ARHGEF3: variants seen among roughly 807,000 people sequenced by gnomAD.
ARHGEF3 encodes the protein 59.8 kDA protein.
A neutral mutation model predicts 63.2 loss-of-function variants in ARHGEF3; 28 were observed. The ratio of observed to expected loss-of-function variants is 0.44; its 90% confidence interval spans 0.33 to 0.61. The LOEUF (loss-of-function observed/expected upper bound fraction) is 0.61, where lower values mean the gene tolerates loss of function less well. Among genes scored for constraint, ARHGEF3 ranks in the 20% least tolerant of loss-of-function variants. ARHGEF3 has a pLI of 0.03. For missense variants in ARHGEF3, 533 were observed against 659.3 expected (o/e 0.81, Z 2.10); for synonymous variants, 266 against 254.2 (o/e 1.05, Z -0.44).
At chr3:56,993,683 G>A (rs949940864) in intron 2 of ARHGEF3, among the ~76,000 whole-genome samples, 17 of 152,022 alleles carry the variant, frequency 1.1e-4, no homozygotes, top group African/African-American at 3.9e-4. Context: ...CCTAACTTTG[G>A]ATACATTGCT....
At chr3:56,993,630 C>A (rs1326438276) in intron 2 of ARHGEF3, among the ~76,000 whole-genome samples, 1 of 151,980 alleles carries the variant, frequency 6.6e-6, no homozygotes, top group Non-Finnish European at 1.5e-5. Flanking sequence ...CTGTCACAGC[C>A]TCCCAAAGTG....
chr3:57,068,958 A>G (rs147868655), intron 1 of ARHGEF3, among the ~76,000 whole-genome samples: 2 of 145,546 alleles, frequency 1.4e-5, no homozygotes, highest in Non-Finnish European at 3.0e-5. Context: ...GTCTCGCTGT[A>G]TCACCCAAGC....
intron 2 of ARHGEF3, among the ~76,000 whole-genome samples, chr3:56,992,437 C>T (rs993463185): frequency 7.0e-6 from 1 of 142,580 alleles, no homozygotes; most frequent in Admixed American, 7.2e-5. Context: ...CATGTGGCCT[C>T]CAGCATCTGT....
chr3:57,001,301 G>A (rs1702183551), intron 2 of ARHGEF3, among the ~76,000 whole-genome samples: 1 of 152,188 alleles, frequency 6.6e-6, no homozygotes, highest in African/African-American at 2.4e-5. Flanking sequence ...GATGCATGCA[G>A]GTGATAACTG....
chr3:56,728,539 T>C lies in ARHGEF3; in HGVS notation c.*731A>G, dbSNP rs969479682. 1 of 152,676 alleles carries C rather than the reference T, an allele frequency of 6.5e-6. No homozygotes were observed. The highest frequency in any genetic ancestry group is 1.5e-5 in the Non-Finnish European group (1 of 68,068). The allele number at this position is 152,676 out of a possible 1,614,324, so 9.5% of individuals were successfully genotyped here. A position where few individuals can be genotyped will look rare whatever the true frequency, so the allele number is the denominator to read the frequency against. ...GATGTTTTAGGCTAGCAACCAACTA[T>C]GAGAGACACCTCCTGGTGCCATGTG... On this transcript the variant is annotated 3_prime_UTR_variant, in exon 10 of 10. Transcript: ENST00000296315.
At chr3:57,067,753 G>A (rs891546382) in intron 1 of ARHGEF3, among the ~76,000 whole-genome samples, 8 of 150,970 alleles carry the variant, frequency 5.3e-5, no homozygotes, top group Non-Finnish European at 8.8e-5. Context: ...AGGCCGAGGC[G>A]GGCGGATCAT....
chr3:56,770,689 C>T (rs2035959645), intron 2 of ARHGEF3, among the ~76,000 whole-genome samples: 1 of 152,010 alleles, frequency 6.6e-6, no homozygotes, highest in Admixed American at 6.6e-5. Context: ...CATTCACTGT[C>T]CCCCCAAGGA....
intron 4 of ARHGEF3, among the ~76,000 whole-genome samples, chr3:56,845,412 A>T (rs2039455443): frequency 6.6e-6 from 1 of 152,230 alleles, no homozygotes; most frequent in African/African-American, 2.4e-5. Flanking sequence ...GAAATCATAT[A>T]CAGCCTGGTC....
intron 4 of ARHGEF3, among the ~76,000 whole-genome samples, chr3:56,876,791 A>ACCACCAGCTCCATCG (rs1441969413): frequency 3.3e-5 from 5 of 152,110 alleles, no homozygotes; most frequent in Non-Finnish European, 5.9e-5. Context: ...AAGATGCCCC[A>ACCACCAGCTCCATCG]CCACCAGCTC....
At chr3:56,954,346 T>C (rs994317479) in intron 3 of ARHGEF3, among the ~76,000 whole-genome samples, 15 of 152,032 alleles carry the variant, frequency 9.9e-5, no homozygotes, top group African/African-American at 3.6e-4. Flanking sequence ...CTGCAGCAAA[T>C]ATTTTCACAA....
Position 57,054,018 on chromosome 3 carries a change from T to C in ARHGEF3, c.-27-18842A>G, listed in dbSNP as rs149353832. ...TGCATTCACTTCTCTTGGGTATATA[T>C]CTAAAAGTGGAATTGCTGCAGCATA... On this transcript the variant is annotated intron_variant, in intron 1 of 12. Transcript: ENST00000338458. Among the ~76,000 whole-genome samples, 209 of 152,336 alleles carry C rather than the reference T, an allele frequency of 1.4e-3. 3 individuals are homozygous for C. Among genetic ancestry groups the C allele is most frequent in the Middle Eastern group, 6.8e-3 (2 of 294 alleles).
At chr3:56,769,157 G>A (rs895251842) in intron 2 of ARHGEF3, among the ~76,000 whole-genome samples, 2 of 152,176 alleles carry the variant, frequency 1.3e-5, no homozygotes, top group Non-Finnish European at 2.9e-5. Flanking sequence ...AGAGAATGAG[G>A]GGCTACATCA....
intron 4 of ARHGEF3, among the ~76,000 whole-genome samples, chr3:56,834,078 A>AT (rs1030031997): frequency 4.0e-5 from 6 of 151,608 alleles, no homozygotes; most frequent in Non-Finnish European, 2.9e-5. Context: ...TAATTTTTGT[A>AT]TTTTTTAGTA....
chr3:56,787,718 G>GATAATAATAATAATA (rs58762340), intron 1 of ARHGEF3, among the ~76,000 whole-genome samples: 10,456 of 150,684 alleles, frequency 0.069, 459 homozygotes, highest in East Asian at 0.15. Flanking sequence ...AACTTCCTCT[G>GATAATAATAATAATA]ATAATAATAA....
Position 56,732,431 on chromosome 3 carries a change from GA to G in ARHGEF3, c.1042-8del. 6.2e-7 allele frequency: 1 copy of G among 1,613,900 alleles called. No individual in the cohort carries two copies. The highest frequency in any genetic ancestry group is 1.1e-5 in the South Asian group (1 of 91,056). Reference sequence around the variant, plus strand: ...ACAGGAAAACATGCAGTTTCTAGAAGAAAAAAATCCACAAGCTTTCATTAAG... The same window carrying G: ...ACAGGAAAACATGCAGTTTCTAGAAGAAAAAATCCACAAGCTTTCATTAAG... On this transcript the variant is annotated splice_polypyrimidine_tract_variant and splice_region_variant and intron_variant, in intron 8 of 9. Coordinates refer to ENST00000296315, the MANE Select transcript of ARHGEF3 (RefSeq NM_019555.3).
chr3:56,977,432 C>G (rs1409127216), intron 2 of ARHGEF3: 2 of 405,452 alleles, frequency 4.9e-6, no homozygotes, highest in Middle Eastern at 3.8e-4. Flanking sequence ...GGCAACCACA[C>G]TTTATGACCC....
intron 3 of ARHGEF3, among the ~76,000 whole-genome samples, chr3:56,946,859 G>T (rs963556468): frequency 1.8e-4 from 27 of 152,206 alleles, no homozygotes; most frequent in Non-Finnish European, 3.4e-4. Context: ...AGGAAAAAAT[G>T]TTAAGGGCAG....
intron 2 of ARHGEF3, among the ~76,000 whole-genome samples, chr3:57,008,859 G>A (rs1268757947): frequency 6.6e-6 from 1 of 152,108 alleles, no homozygotes; most frequent in African/African-American, 2.4e-5. Flanking sequence ...GCAAGCTGGT[G>A]GATTTTCAAT....
In ARHGEF3 at chr3:56,801,940, G is replaced by T; in HGVS notation, c.-142C>A. 1 of 1,535,638 alleles carries T rather than the reference G, an allele frequency of 6.5e-7. No individual in the cohort carries two copies. Among genetic ancestry groups the T allele is most frequent in the Non-Finnish European group, 8.7e-7 (1 of 1,145,170 alleles). On this transcript the variant is annotated 5_prime_UTR_variant, in exon 1 of 10. The change creates a new upstream start codon in the 5' untranslated region. Transcript: ENST00000296315. ...CCGACAGCCGGCTTCTAGCCGGGCA[G>T]GACTCGACTGGGCTCCGGAGCCGAG...
Sources: allele counts gnomAD v4.1 joint callset (sites outside exome capture counted in the v4.1 genomes callset), GRCh38; gene constraint gnomAD v4.1.1; transcripts MANE v1.5; gene names NCBI Gene and HGNC (gene_info 2026-07-23, HGNC 2026-07-21).